FAM227B: variants seen among roughly 807,000 people sequenced by gnomAD.
FAM227B encodes family with sequence similarity 227 member B, also known as protein FAM227B.
In FAM227B, 88 loss-of-function variants were observed where a neutral mutation model predicts 73.8. The observed-to-expected ratio is 1.19, with a 90% CI of 1.00 to 1.42. The LOEUF (loss-of-function observed/expected upper bound fraction) is 1.42. Among genes scored for constraint, FAM227B ranks in the 40% most tolerant of loss-of-function variants. The pLI is 0.00. For synonymous variants in FAM227B, 210 were observed against 190.5 expected (o/e 1.10, Z -0.84); for missense variants, 632 against 590.9 (o/e 1.07, Z -0.72).
At chr15:49,420,912 T>C (rs2049572731) in intron 11 of FAM227B, among the ~76,000 whole-genome samples, 2 of 152,102 alleles carry the variant, frequency 1.3e-5, no homozygotes, top group South Asian at 4.1e-4. Context: ...TTCACTGTGT[T>C]AGCCAGGATG....
At chr15:49,337,508 C>CTTTTTTTTTTTTT (rs33973907) in intron 13 of FAM227B, among the ~76,000 whole-genome samples, 2 of 36,080 alleles carry the variant, frequency 5.5e-5, no homozygotes, top group African/African-American at 1.2e-4. Context: ...CATTTACCCA[C>CTTTTTTTTTTTTT]TTTTTTTTTT....
chr15:49,424,534 C>A (rs1462969318), intron 11 of FAM227B: 8 of 1,601,596 alleles, frequency 5.0e-6, no homozygotes, highest in Non-Finnish European at 6.0e-6. Context: ...ACCTGAGGAT[C>A]GATAAAAGAG....
intron 11 of FAM227B, among the ~76,000 whole-genome samples, chr15:49,451,892 T>G (rs567314780): frequency 1.3e-5 from 2 of 152,258 alleles, no homozygotes; most frequent in Admixed American, 1.3e-4. Context: ...TTACATGCGG[T>G]TCTTCCAGTA....
chr15:49,583,295 GA>G (rs1466760572), intron 5 of FAM227B, among the ~76,000 whole-genome samples: 10 of 151,700 alleles, frequency 6.6e-5, no homozygotes, highest in African/African-American at 2.4e-4. Flanking sequence ...AATGATAAGG[GA>G]ATAGGAGGTC....
At chr15:49,463,929 GT>G (rs1261324429) in intron 11 of FAM227B, among the ~76,000 whole-genome samples, 1 of 132,168 alleles carries the variant, frequency 7.6e-6, no homozygotes, top group Non-Finnish European at 1.6e-5. Context: ...GTTTTTGTTT[GT>G]TTTTTGTTTG....
At chr15:49,418,037 C>T (rs535111819) in intron 11 of FAM227B, among the ~76,000 whole-genome samples, 2 of 152,170 alleles carry the variant, frequency 1.3e-5, no homozygotes, top group South Asian at 2.1e-4. Flanking sequence ...AAAAGACATA[C>T]ATGTGTCTAA....
intron 3 of FAM227B, among the ~76,000 whole-genome samples, chr15:49,601,033 C>G (rs1375713490): frequency 7.1e-6 from 1 of 140,516 alleles, no homozygotes; most frequent in Admixed American, 7.1e-5. Context: ...CAGAGCAAGA[C>G]TCTGTCTCAA....
At chr15:49,368,711 T>C (rs2045556564) in intron 12 of FAM227B, among the ~76,000 whole-genome samples, 1 of 152,204 alleles carries the variant, frequency 6.6e-6, no homozygotes, top group Non-Finnish European at 1.5e-5. Flanking sequence ...TTTGCCTGTC[T>C]AGATAGTTGT....
At position 49,530,526 on chromosome 15, in the gene FAM227B, C is replaced by T. The variant is rs573810596; in HGVS notation, c.874+11154G>A. 1.5e-4 allele frequency among the ~76,000 whole-genome samples: 22 copies of T among 151,420 alleles called. No individual in the cohort carries two copies. The South Asian group carries it at 4.2e-3, about 29-fold the overall frequency. On this transcript the variant is annotated intron_variant, in intron 10 of 15. Transcript: ENST00000299338. ...GCAAATGACTAAGAGATTCTTTCTG[C>T]AAGAAAAAAAAGTTAACATTTTTTG...
At chr15:49,483,086 G>T in intron 11 of FAM227B, 2 of 858,694 alleles carry the variant, frequency 2.3e-6, no homozygotes, top group Non-Finnish European at 3.9e-6. Flanking sequence ...AGAACAAATG[G>T]CCATTCGTGG....
At chr15:49,377,751 GGT>G (rs2046264076) in intron 11 of FAM227B, among the ~76,000 whole-genome samples, 1 of 152,158 alleles carries the variant, frequency 6.6e-6, no homozygotes, top group African/African-American at 2.4e-5. Flanking sequence ...TATATACCCT[GGT>G]TATTAATCCC....
At chr15:49,570,720 TTG>T (rs748274358) in intron 8 of FAM227B, among the ~76,000 whole-genome samples, 4 of 151,132 alleles carry the variant, frequency 2.6e-5, no homozygotes, top group Admixed American at 6.6e-5. Context: ...CATACAGTAT[TTG>T]TCTTTCTGTG....
intron 11 of FAM227B, among the ~76,000 whole-genome samples, chr15:49,379,845 G>A (rs554969910): frequency 1.1e-4 from 17 of 152,238 alleles, no homozygotes; most frequent in African/African-American, 3.6e-4. Context: ...ACCTGAAGCC[G>A]GCACAGCACT....
In FAM227B at chr15:49,328,457, T is replaced by G; in HGVS notation, c.*111A>C. 4 of 1,507,876 alleles carry G rather than the reference T, an allele frequency of 2.7e-6. No individual in the cohort carries two copies. Among genetic ancestry groups the G allele is most frequent in the Non-Finnish European group, 3.5e-6 (4 of 1,129,164 alleles). The allele number at this position is 1,507,876 out of a possible 1,614,324, so 93.4% of individuals were successfully genotyped here. A position where few individuals can be genotyped will look rare whatever the true frequency, so the allele number is the denominator to read the frequency against. ...TTTAAAGATGAATGGTAAAACACAC[T>G]CTTAATACTGATTACATGGATTGGA... On this transcript the variant is annotated 3_prime_UTR_variant, in exon 16 of 16. Transcript: ENST00000299338.
intron 11 of FAM227B, chr15:49,488,018 C>T (rs1439123801): frequency 2.6e-5 from 4 of 151,834 alleles, no homozygotes; most frequent in South Asian, 2.1e-4. Flanking sequence ...AAATTCACCA[C>T]GCATAGGAGT....
chr15:49,497,653 A>ACT (rs1256259378), intron 11 of FAM227B, among the ~76,000 whole-genome samples: 2 of 152,202 alleles, frequency 1.3e-5, no homozygotes, highest in Non-Finnish European at 2.9e-5. Flanking sequence ...TTCTTTCTTA[A>ACT]GTAGATTTCC....
chr15:49,457,273 A>T (rs1391664690), intron 11 of FAM227B, among the ~76,000 whole-genome samples: 1 of 152,064 alleles, frequency 6.6e-6, no homozygotes, highest in Non-Finnish European at 1.5e-5. Flanking sequence ...CAAATGCGGT[A>T]ACAACGGTGT....
At chr15:49,344,641 A>T (rs532052664) in intron 13 of FAM227B, among the ~76,000 whole-genome samples, 5 of 152,350 alleles carry the variant, frequency 3.3e-5, no homozygotes, top group Admixed American at 6.5e-5. Flanking sequence ...AGCAATACAC[A>T]TAATTGAAAA....
At chr15:49,590,904 G>A (rs775421237) in intron 3 of FAM227B, among the ~76,000 whole-genome samples, 16 of 151,958 alleles carry the variant, frequency 1.1e-4, no homozygotes, top group Non-Finnish European at 2.1e-4. Flanking sequence ...TTATAAGTGA[G>A]ATCATGCCAC....
Sources: allele counts gnomAD v4.1 joint callset (sites outside exome capture counted in the v4.1 genomes callset), GRCh38; gene constraint gnomAD v4.1.1; transcripts MANE v1.5; gene names NCBI Gene and HGNC (gene_info 2026-07-23, HGNC 2026-07-21).